SLC35A5: variants seen among roughly 807,000 people sequenced by gnomAD.
SLC35A5 encodes the protein solute carrier family 35 member A5.
In SLC35A5, 28 loss-of-function variants were observed where a neutral mutation model predicts 36.3. The ratio of observed to expected loss-of-function variants is 0.77; its 90% CI spans 0.57 to 1.06. The LOEUF (loss-of-function observed/expected upper bound fraction) is 1.06. Ranked by LOEUF, SLC35A5 falls within the 50% of genes least tolerant of loss-of-function variation. The pLI is 0.00. For synonymous variants in SLC35A5, 180 were observed against 173.7 expected (o/e 1.04, Z -0.29); for missense variants, 521 against 499.3 (o/e 1.04, Z -0.41).
chr3:112,580,669 C>T lies in SLC35A5; in HGVS notation c.552C>T (p.Ala184=). 1 of 1,614,088 alleles carries T rather than the reference C, an allele frequency of 6.2e-7. No homozygotes were observed. The highest frequency in any genetic ancestry group is 1.3e-5 in the African/African-American group (1 of 75,022). ...NLAGRGFHHD[A]FFSPSNSCLL... The stretch of plus-strand genomic sequence containing the variant: ...CAGGACGTGGATTTCATCACGATGC[C>T]TTTTTCAGCCCTTCCAATTCCTGCC... Residue 184 remains alanine, a synonymous_variant, in exon 6 of 7, where the codon GCC becomes GCT. Transcript: ENST00000492406.
intron 5 of SLC35A5, among the ~76,000 whole-genome samples, chr3:112,574,835 G>T (rs1934599358): frequency 6.6e-6 from 1 of 151,922 alleles, no homozygotes; most frequent in Admixed American, 6.6e-5. Flanking sequence ...TAAGATTCCT[G>T]ATGTATTTTC....
At chr3:112,578,949 G>C (rs1486109139) in intron 5 of SLC35A5, among the ~76,000 whole-genome samples, 3 of 152,062 alleles carry the variant, frequency 2.0e-5, no homozygotes, top group Admixed American at 2.0e-4. Flanking sequence ...AGAAATTTAA[G>C]TGGTTAGTTC....
At chr3:112,576,239 T>G (rs917261530) in intron 5 of SLC35A5, among the ~76,000 whole-genome samples, 1 of 152,074 alleles carries the variant, frequency 6.6e-6, no homozygotes, top group Non-Finnish European at 1.5e-5. Context: ...GTGATTCCCC[T>G]GCCTCAGCCT....
At chr3:112,568,157 G>A (rs956006914) in intron 2 of SLC35A5, among the ~76,000 whole-genome samples, 1 of 152,166 alleles carries the variant, frequency 6.6e-6, no homozygotes, top group Non-Finnish European at 1.5e-5. Flanking sequence ...GGGCCACAGA[G>A]GTTTAGAGGT....
chr3:112,563,059 CA>C (rs780136924), intron 1 of SLC35A5, among the ~76,000 whole-genome samples: 72 of 152,290 alleles, frequency 4.7e-4, no homozygotes, highest in South Asian at 1.0e-3. Flanking sequence ...GACTCCGTCT[CA>C]AAATACATAA....
chr3:112,562,329 A>C (rs1339469836), intron 1 of SLC35A5, 56 bp downstream of exon 1: 2 of 152,358 alleles, frequency 1.3e-5, no homozygotes, highest in African/African-American at 4.8e-5. Flanking sequence ...AGGGTGCGCC[A>C]GTGAAGAGCC....
At chr3:112,561,460 GA>G (rs749246167), upstream of SLC35A5, 7 of 1,613,402 alleles carry the variant, frequency 4.3e-6, no homozygotes, top group African/African-American at 4.0e-5. Flanking sequence ...GGCTTACCTT[GA>G]GGACCGGGGT....
At chr3:112,581,642 G>A (rs1309224321) in intron 6 of SLC35A5, among the ~76,000 whole-genome samples, 2 of 150,912 alleles carry the variant, frequency 1.3e-5, no homozygotes, top group African/African-American at 4.9e-5. Context: ...ACAAGAAACA[G>A]GCAAAATGGT....
At position 112,581,253 on chromosome 3, in the gene SLC35A5, A is replaced by G. The variant is rs771762824; in HGVS notation, c.1136A>G (p.Gln379Arg). 1.1e-5 allele frequency: 18 copies of G among 1,613,682 alleles called. No homozygotes were observed. Among genetic ancestry groups the G allele is most frequent in the Middle Eastern group, 3.3e-4 (2 of 6,082 alleles). ...SIFIYNASKP[Q>R]VPEYAPRQER... ...TTTATTTATAATGCCAGCAAGCCTC[A>G]AGTTCCGGAATACGCACCTAGGCAA... Residue 379 changes from glutamine (Q) to arginine (R), a missense_variant, in exon 6 of 7, where the codon CAA (glutamine) becomes CGA (arginine). Coordinates refer to ENST00000492406, the MANE Select transcript of SLC35A5 (RefSeq NM_017945.5).
intron 1 of SLC35A5, among the ~76,000 whole-genome samples, 184 bp from the exon 2 acceptor site, chr3:112,563,201 G>A (rs1934017970): frequency 6.6e-6 from 1 of 152,220 alleles, no homozygotes; most frequent in Admixed American, 6.5e-5. Context: ...TGTCTCCAGA[G>A]TACTCCCTCT....
chr3:112,565,248 C>A (rs1223828447), intron 2 of SLC35A5, among the ~76,000 whole-genome samples: 1 of 152,094 alleles, frequency 6.6e-6, no homozygotes, highest in Non-Finnish European at 1.5e-5. Flanking sequence ...ATTGATATAT[C>A]CTGAAGATGC....
At chr3:112,562,025 C>T (rs1933918964), upstream of SLC35A5, 1 of 169,246 alleles carries the variant, frequency 5.9e-6, no homozygotes, top group Non-Finnish European at 1.3e-5. Context: ...CCGCTTCTCC[C>T]CTCCTTCCGG....
intron 1 of SLC35A5, among the ~76,000 whole-genome samples, chr3:112,562,739 C>T (rs1933984915): frequency 6.6e-6 from 1 of 152,180 alleles, no homozygotes; most frequent in Non-Finnish European, 1.5e-5. Context: ...TTCTGAAAGC[C>T]TTATCTTACA....
rs1935072371 is a variant in SLC35A5 at position 112,584,555 on chromosome 3, G to C, written c.*1819G>C. On this transcript the variant is annotated 3_prime_UTR_variant, in exon 7 of 7. Transcript: ENST00000492406. Reference sequence around the variant, plus strand: ...TTTTCCTCACCTTCCTCTTTGGAAAGCATTTTTTGCACAAAGTTAAGTTTA... The same window carrying C: ...TTTTCCTCACCTTCCTCTTTGGAAACCATTTTTTGCACAAAGTTAAGTTTA... The C allele has an allele frequency of 1.3e-5, 2 of 152,084 alleles. No individual in the cohort carries two copies. Among genetic ancestry groups the C allele is most frequent in the African/African-American group, 4.8e-5 (2 of 41,422 alleles). 9.4% of individuals were successfully genotyped at this position (152,084 alleles called of 1,614,324 possible). A position where few individuals can be genotyped will look rare whatever the true frequency, so the allele number is the denominator to read the frequency against.
chr3:112,565,177 G>A (rs1415385894), intron 2 of SLC35A5, among the ~76,000 whole-genome samples: 1 of 150,954 alleles, frequency 6.6e-6, no homozygotes, highest in African/African-American at 2.4e-5. Flanking sequence ...TCAAGACTTA[G>A]TTTATTAGGA....
At position 112,563,481 on chromosome 3, in the gene SLC35A5, C is replaced by T; in HGVS notation, c.78C>T (p.Phe26=). The change falls in exon 2 of 7, where the codon TTC becomes TTT. Residue 26 remains phenylalanine (F), a synonymous_variant. Transcript: ENST00000492406. ...ATACATTCCTGCTAGGTGCCATATT[C>T]ATTGCTTTAAGCTCAAGTCGCATCT... ...TMYTFLLGAI[F]IALSSSRILL... 1 of 1,608,394 alleles carries T rather than the reference C, an allele frequency of 6.2e-7. No homozygotes were observed. The highest frequency in any genetic ancestry group is 1.3e-5 in the African/African-American group (1 of 75,014).
rs774958632 is a variant in SLC35A5 at position 112,581,227 on chromosome 3, ATT to A, written c.1112_1113del (p.Phe371TyrfsTer3). The A allele has an allele frequency of 1.2e-6, 2 of 1,613,634 alleles. No individual in the cohort carries two copies. Among genetic ancestry groups the A allele is most frequent in the East Asian group, 4.5e-5 (2 of 44,852 alleles). On this transcript the variant is annotated frameshift_variant, in exon 6 of 7. Coordinates refer to ENST00000492406, the MANE Select transcript of SLC35A5 (RefSeq NM_017945.5). LOFTEE classifies it high-confidence loss of function. The part of the protein sequence containing the change: ...LEAPSVLLSI[F>X]IYNASKPQVP... Reference sequence around the variant, plus strand: ...AAGCCCCATCAGTCCTTCTCTCTATATTTATTTATAATGCCAGCAAGCCTCAA... The same window carrying A: ...AAGCCCCATCAGTCCTTCTCTCTATATATTTATAATGCCAGCAAGCCTCAA...
At position 112,580,957 on chromosome 3, in the gene SLC35A5, G is replaced by A; in HGVS notation, c.840G>A (p.Gly280=). ...ATTTCTTTGGCATTCTGTTTAATGGGCTGACTCTGGGCCTTCAGAGGAGTA... is the reference window on the plus strand; with the variant it reads ...ATTTCTTTGGCATTCTGTTTAATGGACTGACTCTGGGCCTTCAGAGGAGTA... The part of the protein sequence containing the change: ...KLYFFGILFN[G]LTLGLQRSNR... Residue 280 remains glycine (G), a synonymous_variant, in exon 6 of 7, where the codon GGG becomes GGA. Transcript: ENST00000492406. 6.2e-7 allele frequency: 1 copy of A among 1,614,064 alleles called. No homozygotes were observed. Among genetic ancestry groups the A allele is most frequent in the East Asian group, 2.2e-5 (1 of 44,888 alleles).
chr3:112,582,685 A>G lies in SLC35A5; in HGVS notation c.1224A>G (p.Leu408=), dbSNP rs549931487. The stretch of plus-strand genomic sequence containing the variant: ...TTTCCTTTTAGGATGGAGAAGAACT[A>G]GAAAGACTTACCAAACCCAAGAGTG... ...WERSSGDGEE[L]ERLTKPKSDE... is the part of the protein sequence containing the mutation. Residue 408 remains leucine (L), a synonymous_variant, in exon 7 of 7, where the codon CTA becomes CTG. Coordinates refer to ENST00000492406, the MANE Select transcript of SLC35A5 (RefSeq NM_017945.5). 6 of 1,612,548 alleles carry G rather than the reference A, an allele frequency of 3.7e-6. No individual in the cohort carries two copies. In the Admixed American group the frequency reaches 6.7e-5, roughly 18 times the overall value.
Sources: allele counts gnomAD v4.1 joint callset (sites outside exome capture counted in the v4.1 genomes callset), GRCh38; gene constraint gnomAD v4.1.1; transcripts MANE v1.5; gene names NCBI Gene and HGNC (gene_info 2026-07-23, HGNC 2026-07-21).